The following SNX29 variants were observed in gnomAD, a reference collection of about 807,000 sequenced individuals.
The protein encoded by SNX29 is sorting nexin-29.
In SNX29, 78 loss-of-function variants were observed where a neutral mutation model predicts 102.1. That is an observed-to-expected ratio of 0.76 (90% CI 0.64 to 0.92). The LOEUF (loss-of-function observed/expected upper bound fraction) is 0.92. Among genes scored for constraint, SNX29 ranks in the 40% least tolerant of loss-of-function variants. SNX29 has a pLI of 0.00. For missense variants in SNX29, 1,280 were observed against 1,061.7 expected (o/e 1.21, Z -2.86); for synonymous variants, 580 against 414.5 (o/e 1.40, Z -4.85).
At chr16:12,365,415 C>A (rs142202846) in intron 16 of SNX29, among the ~76,000 whole-genome samples, 1 of 151,342 alleles carries the variant, frequency 6.6e-6, no homozygotes. Context: ...GGAGGCCGGG[C>A]GTGGTGGCTC....
chr16:12,471,619 G>T (rs868109304), intron 18 of SNX29, among the ~76,000 whole-genome samples: 1 of 152,154 alleles, frequency 6.6e-6, no homozygotes, highest in Non-Finnish European at 1.5e-5. Flanking sequence ...CCCCATCTAC[G>T]GCCTGGCTTA....
intron 13 of SNX29, among the ~76,000 whole-genome samples, chr16:12,183,137 G>A (rs1044393855): frequency 6.6e-6 from 1 of 151,952 alleles, no homozygotes; most frequent in Admixed American, 6.6e-5. Flanking sequence ...GTAGCTGGGA[G>A]CACGGGCGTG....
rs185903817 is a variant in SNX29, at chr16:12,367,635, C to A, written c.1899+11356C>A. ...GAGTGATCTCATTTGAGGGCTGATG[C>A]GATTTAAGTATGAAAGCTTAATAAG... On this transcript the variant is annotated intron_variant, in intron 16 of 20. Coordinates refer to ENST00000566228, the MANE Select transcript of SNX29 (RefSeq NM_032167.5). Among the ~76,000 whole-genome samples, 86 of 152,314 alleles carry A rather than the reference C, an allele frequency of 5.6e-4. No homozygotes were observed. The East Asian group carries it at 0.017, about 29-fold the overall frequency.
At chr16:12,036,369 C>G (rs984953971) in intron 4 of SNX29, among the ~76,000 whole-genome samples, 3 of 126,312 alleles carry the variant, frequency 2.4e-5, no homozygotes, top group East Asian at 2.2e-4. Context: ...GAGTCTTGCT[C>G]TGTTGCCCAG....
In SNX29 at chr16:12,052,117, T is replaced by A. The variant is rs1425486411; in HGVS notation, c.1019T>A (p.Leu340His). The change falls in exon 8 of 21, where the codon CTT (leucine) becomes CAT (histidine). Residue 340 changes from leucine (L) to histidine (H), a missense_variant. Transcript: ENST00000566228. The stretch of plus-strand genomic sequence containing the variant: ...AACGGGGAGTTTGGGTACCAGAAGC[T>A]TGATGTGAAAAGCATCGATGATGAA... ...SLNGEFGYQK[L>H]DVKSIDDEDV... 3.7e-6 allele frequency: 6 copies of A among 1,613,960 alleles called. No individual in the cohort carries two copies. The highest frequency in any genetic ancestry group is 5.1e-6 in the Non-Finnish European group (6 of 1,179,866).
At chr16:12,377,639 G>A (rs74497267) in intron 16 of SNX29, among the ~76,000 whole-genome samples, 23,779 of 152,096 alleles carry the variant, frequency 0.16, 2,681 homozygotes, top group African/African-American at 0.31. Flanking sequence ...GTACGTAGTA[G>A]GCAATCAACA....
Position 12,082,641 on chromosome 16 carries a change from T to C in SNX29, c.1402+3726T>C, listed in dbSNP as rs552666876. ...ACATATCCAGAGCTTATACCTTGAA[T>C]CTCTGAAGAAAAAAATGTCACCATG... On this transcript the variant is annotated intron_variant, in intron 11 of 20. Coordinates refer to ENST00000566228, the MANE Select transcript of SNX29 (RefSeq NM_032167.5). Among the ~76,000 whole-genome samples, 19 of 152,310 alleles carry C rather than the reference T, an allele frequency of 1.2e-4. No homozygotes were observed. In the South Asian group the frequency reaches 3.9e-3, roughly 32 times the overall value.
intron 18 of SNX29, among the ~76,000 whole-genome samples, chr16:12,451,413 T>A (rs1362136123): frequency 6.6e-6 from 1 of 152,230 alleles, no homozygotes; most frequent in Non-Finnish European, 1.5e-5. Context: ...AGTAGGAGCC[T>A]CCTCTTGTCC....
chr16:12,054,544 C>T (rs1025572935), intron 8 of SNX29, among the ~76,000 whole-genome samples: 4 of 152,210 alleles, frequency 2.6e-5, no homozygotes, highest in South Asian at 2.1e-4. Context: ...CTTTCCTTTC[C>T]GCCTGCTAGC....
At chr16:12,075,887 A>G (rs2051539723) in intron 10 of SNX29, among the ~76,000 whole-genome samples, 1 of 152,206 alleles carries the variant, frequency 6.6e-6, no homozygotes, top group South Asian at 2.1e-4. Flanking sequence ...CCCCTCCACC[A>G]GCCTCGCTGC....
chr16:12,008,154 C>T (rs2056521248), intron 3 of SNX29, among the ~76,000 whole-genome samples: 1 of 152,184 alleles, frequency 6.6e-6, no homozygotes, highest in African/African-American at 2.4e-5. Context: ...CCGTGTTAGC[C>T]AGGATAGTTT....
At chr16:12,400,133 A>G (rs930519591) in intron 17 of SNX29, among the ~76,000 whole-genome samples, 1 of 152,182 alleles carries the variant, frequency 6.6e-6, no homozygotes, top group African/African-American at 2.4e-5. Context: ...TTACTCATCT[A>G]CACTAAAGCC....
chr16:12,260,398 G>A (rs1380071367), intron 14 of SNX29, among the ~76,000 whole-genome samples: 1 of 152,092 alleles, frequency 6.6e-6, no homozygotes, highest in Non-Finnish European at 1.5e-5. Flanking sequence ...TCTGTTGTGC[G>A]CCTGGTGCTC....
chr16:12,089,362 T>C (rs936372752), intron 11 of SNX29, among the ~76,000 whole-genome samples: 1 of 151,724 alleles, frequency 6.6e-6, no homozygotes, highest in African/African-American at 2.4e-5. Flanking sequence ...AAAAACCCAA[T>C]AGAAAAAAAC....
At chr16:12,217,170 A>G (rs1218802344) in intron 14 of SNX29, among the ~76,000 whole-genome samples, 1 of 152,168 alleles carries the variant, frequency 6.6e-6, no homozygotes, top group Non-Finnish European at 1.5e-5. Flanking sequence ...CTGGGACTAT[A>G]GCACACCTGG....
At chr16:12,014,747 A>G (rs984673320) in intron 3 of SNX29, among the ~76,000 whole-genome samples, 7 of 151,612 alleles carry the variant, frequency 4.6e-5, no homozygotes, top group South Asian at 4.2e-4. Flanking sequence ...AAAAAAAAAA[A>G]AAAGAAAAGA....
chr16:12,338,067 C>T (rs137957506), intron 15 of SNX29, among the ~76,000 whole-genome samples: 244 of 152,202 alleles, frequency 1.6e-3, no homozygotes, highest in African/African-American at 5.7e-3. Flanking sequence ...ATCCTGGAAC[C>T]GGTGTTTGGC....
intron 19 of SNX29, among the ~76,000 whole-genome samples, chr16:12,480,612 C>G (rs946222377): frequency 9.2e-5 from 14 of 152,162 alleles, no homozygotes; most frequent in Non-Finnish European, 1.8e-4. Flanking sequence ...ATTGCGCCCA[C>G]CACATGTTAG....
At chr16:12,060,043 T>G (rs1181938856) in intron 8 of SNX29, among the ~76,000 whole-genome samples, 1 of 152,222 alleles carries the variant, frequency 6.6e-6, no homozygotes, top group Non-Finnish European at 1.5e-5. Context: ...TACAGAATGA[T>G]GTTTAAACCT....
Sources: gnomAD v4.1 joint callset for allele counts (sites outside exome capture counted in the v4.1 genomes callset) on GRCh38, gnomAD v4.1.1 for gene constraint, MANE v1.5 for transcripts, NCBI Gene and HGNC (gene_info 2026-07-23, HGNC 2026-07-21) for gene names.